The following JADE1 variants were observed in gnomAD, a reference collection of about 807,000 sequenced individuals.
The protein encoded by JADE1 is protein Jade-1.
Under a neutral mutation model 81.8 loss-of-function variants are expected in JADE1, and 14 were observed. The observed-to-expected ratio is 0.17, with a 90% CI of 0.11 to 0.27. JADE1 has a LOEUF of 0.27. JADE1 is among the 10% of genes least tolerant of loss of function. The pLI, the probability that JADE1 is intolerant of heterozygous loss-of-function variation, is 1.00. For missense variants in JADE1, 690 were observed against 1,047.9 expected (o/e 0.66, Z 4.71); for synonymous variants, 353 against 391.9 (o/e 0.90, Z 1.17).
intron 10 of JADE1, among the ~76,000 whole-genome samples, chr4:128,870,265 G>C (rs906887405): frequency 3.9e-5 from 6 of 152,198 alleles, no homozygotes; most frequent in African/African-American, 1.2e-4. Flanking sequence ...CTGTGGTCAT[G>C]ACAGCTCTGT....
At chr4:128,841,759 A>G (rs182760022) in intron 2 of JADE1, among the ~76,000 whole-genome samples, 79 of 152,192 alleles carry the variant, frequency 5.2e-4, no homozygotes, top group African/African-American at 1.8e-3. Context: ...ACCCCCGGGG[A>G]GAATATTTGG....
intron 2 of JADE1, among the ~76,000 whole-genome samples, chr4:128,839,579 C>T (rs925003281): frequency 1.3e-5 from 2 of 152,132 alleles, no homozygotes; most frequent in African/African-American, 4.8e-5. Flanking sequence ...TCTAGTCTTC[C>T]ACTGATCTAC....
chr4:128,867,788 A>G, intron 9 of JADE1, 68 bp from the exon 10 acceptor site: 6 of 1,009,620 alleles, frequency 5.9e-6, no homozygotes, highest in Non-Finnish European at 9.0e-6. Context: ...AGGTAAAGAA[A>G]TTTAAAAAGC....
chr4:128,870,978 C>T (rs926740768), intron 10 of JADE1, among the ~76,000 whole-genome samples: 5 of 152,138 alleles, frequency 3.3e-5, no homozygotes, highest in Admixed American at 1.3e-4. Flanking sequence ...CGTGGAGGAG[C>T]GCGGCGCAGG....
chr4:128,818,459 C>T (rs1014260319), intron 1 of JADE1, among the ~76,000 whole-genome samples: 1 of 152,146 alleles, frequency 6.6e-6, no homozygotes, highest in African/African-American at 2.4e-5. Context: ...GTGTCTGATC[C>T]TTAATTTTGT....
At chr4:128,812,127 G>C (rs935584300) in intron 1 of JADE1, among the ~76,000 whole-genome samples, 8 of 151,886 alleles carry the variant, frequency 5.3e-5, no homozygotes, top group Non-Finnish European at 8.8e-5. Flanking sequence ...TGCCGCGGCG[G>C]GGGGTGGCCA....
intron 1 of JADE1, among the ~76,000 whole-genome samples, chr4:128,824,405 G>A (rs1024060287): frequency 5.3e-5 from 8 of 150,436 alleles, no homozygotes; most frequent in African/African-American, 1.7e-4. Context: ...GTGACAGAGC[G>A]AGACTCCAAC....
intron 8 of JADE1, among the ~76,000 whole-genome samples, chr4:128,857,688 C>T (rs564231571): frequency 6.6e-6 from 1 of 152,254 alleles, no homozygotes; most frequent in Non-Finnish European, 1.5e-5. Flanking sequence ...CAGAAGTTCC[C>T]CTGAGCTGTG....
chr4:128,829,329 G>T (rs968903983), intron 1 of JADE1, among the ~76,000 whole-genome samples: 2 of 152,198 alleles, frequency 1.3e-5, no homozygotes, highest in Non-Finnish European at 2.9e-5. Flanking sequence ...TGTAAAGCGT[G>T]TCCATAATAT....
intron 1 of JADE1, among the ~76,000 whole-genome samples, chr4:128,822,509 C>A (rs757539038): frequency 1.1e-4 from 16 of 151,296 alleles, no homozygotes; most frequent in Admixed American, 7.9e-4. Context: ...GGTCAGAGTT[C>A]GAGACCAGCC....
At chr4:128,818,418 G>T (rs1423608202) in intron 1 of JADE1, among the ~76,000 whole-genome samples, 1 of 152,128 alleles carries the variant, frequency 6.6e-6, no homozygotes, top group Non-Finnish European at 1.5e-5. Flanking sequence ...ACCATGGCCG[G>T]CCATAGTTAG....
intron 2 of JADE1, among the ~76,000 whole-genome samples, chr4:128,840,478 G>C (rs549654203): frequency 2.6e-5 from 4 of 152,010 alleles, no homozygotes; most frequent in South Asian, 4.2e-4. Context: ...ATCCCTTTTT[G>C]TTCTGCTTCT....
chr4:128,874,575 A>G lies in JADE1; in HGVS notation c.*2313A>G, dbSNP rs993061545. 3 of 152,606 alleles carry G rather than the reference A, an allele frequency of 2.0e-5. No homozygotes were observed. Among genetic ancestry groups the G allele is most frequent in the Non-Finnish European group, 1.5e-5 (1 of 68,028 alleles). The allele number at this position is 152,606 out of a possible 1,614,324, so 9.5% of individuals were successfully genotyped here. Reference sequence around the variant, plus strand: ...GCCCACACTTTTTATTCCTGCTTCGAAATGCAAATGGATAGAGCACGGTTT... The same window carrying G: ...GCCCACACTTTTTATTCCTGCTTCGGAATGCAAATGGATAGAGCACGGTTT... On this transcript the variant is annotated 3_prime_UTR_variant, in exon 11 of 11. Coordinates refer to ENST00000226319, the MANE Select transcript of JADE1 (RefSeq NM_199320.4).
rs375719680 is a variant in JADE1 at position 128,846,410 on chromosome 4, G to A, written c.174G>A (p.Leu58=). 3 of 1,614,054 alleles carry A rather than the reference G, an allele frequency of 1.9e-6. No individual in the cohort carries two copies. The highest frequency in any genetic ancestry group is 1.3e-5 in the African/African-American group (1 of 74,926). The change falls in exon 4 of 11, where the codon TTG becomes TTA. Residue 58 remains leucine, a synonymous_variant. Coordinates refer to ENST00000226319, the MANE Select transcript of JADE1 (RefSeq NM_199320.4). This position sits in a 1 kb window ranked among gnomAD's most constrained non-coding sequence, Gnocchi z 4.0. Reference sequence around the variant, plus strand: ...CAGACCTGATCACTGCCATGAAGTTGCATGACTCCTACCAGCTGAATCCGG... The same window carrying A: ...CAGACCTGATCACTGCCATGAAGTTACATGACTCCTACCAGCTGAATCCGG... ...FRTDLITAMK[L]HDSYQLNPDE...
rs996228820 is a variant in JADE1 at position 128,855,893 on chromosome 4, C to T, written c.864+96C>T. The T allele has an allele frequency of 7.2e-6, 8 of 1,108,514 alleles. No individual in the cohort carries two copies. In the African/African-American group the frequency reaches 1.3e-4, roughly 17 times the overall value. The allele number at this position is 1,108,514 out of a possible 1,614,324, so 68.7% of individuals were successfully genotyped here. On this transcript the variant is annotated intron_variant, in intron 7 of 10. Transcript: ENST00000226319. ...GAGTGCAGTGAGCTGGATCATGGCTCACTGCAGCCTTGACCTGCTGGGCTC... is the reference window on the plus strand; with the variant it reads ...GAGTGCAGTGAGCTGGATCATGGCTTACTGCAGCCTTGACCTGCTGGGCTC...
chr4:128,843,493 ATGCT>A (rs1729620757), intron 3 of JADE1, among the ~76,000 whole-genome samples: 1 of 152,088 alleles, frequency 6.6e-6, no homozygotes, highest in Non-Finnish European at 1.5e-5. Context: ...TTAGGGGATT[ATGCT>A]GAAGGCTTTC....
chr4:128,821,905 A>G (rs1727608292), intron 1 of JADE1, among the ~76,000 whole-genome samples: 1 of 152,166 alleles, frequency 6.6e-6, no homozygotes, highest in African/African-American at 2.4e-5. Context: ...ACCTCCTTCT[A>G]ATGTTGGCTG....
intron 1 of JADE1, among the ~76,000 whole-genome samples, chr4:128,813,450 G>C (rs1238104036): frequency 2.5e-5 from 3 of 119,082 alleles, no homozygotes; most frequent in South Asian, 5.5e-4. Context: ...AGAGTCTTTC[G>C]CTCTGTCACC....
At chr4:128,811,243 C>G (rs902728344) in intron 1 of JADE1, 1 of 152,404 alleles carries the variant, frequency 6.6e-6, no homozygotes, top group Non-Finnish European at 1.5e-5. Flanking sequence ...CCCGCTCCCC[C>G]CCGCCCGCCT....
Sources: allele counts gnomAD v4.1 joint callset (sites outside exome capture counted in the v4.1 genomes callset), GRCh38; gene constraint gnomAD v4.1.1; non-coding constraint Gnocchi (gnomAD v3.1); transcripts MANE v1.5; gene names NCBI Gene and HGNC (gene_info 2026-07-23, HGNC 2026-07-21).